COL4A2: variants seen among roughly 807,000 people sequenced by gnomAD.
COL4A2 encodes the protein collagen alpha-2(IV) chain.
In COL4A2, 99 loss-of-function variants were observed where a neutral mutation model predicts 200.2. That is an observed-to-expected ratio of 0.49 (90% CI 0.42 to 0.58). The LOEUF (loss-of-function observed/expected upper bound fraction) is 0.58. Ranked by LOEUF, COL4A2 falls within the 20% of genes least tolerant of loss-of-function variation. The pLI is 0.00. For missense variants in COL4A2, 1,950 were observed against 2,314.1 expected, an observed-to-expected ratio of 0.84 and a Z score of 3.23; for synonymous variants, 897 against 900.6, an observed-to-expected ratio of 1.00 and a Z score of 0.07.
intron 3 of COL4A2, among the ~76,000 whole-genome samples, chr13:110,343,215 T>C (rs1028938236): frequency 1.6e-4 from 24 of 152,234 alleles, no homozygotes; most frequent in Middle Eastern, 3.4e-3. Flanking sequence ...GGAGTGGGAT[T>C]GAAAATCCAC....
chr13:110,334,907 C>T (rs781660880), intron 3 of COL4A2, among the ~76,000 whole-genome samples: 15 of 152,178 alleles, frequency 9.9e-5, no homozygotes, highest in Non-Finnish European at 1.5e-4. Context: ...CTTCAGCCCT[C>T]GGTCTGATTC....
intron 21 of COL4A2, chr13:110,458,190 A>C (rs1174258502): frequency 2.2e-6 from 1 of 459,710 alleles, no homozygotes; most frequent in African/African-American, 2.0e-5. Context: ...GACCTGGAGG[A>C]AGTGGGGCCT....
chr13:110,316,030 T>C (rs1885120744), intron 3 of COL4A2, among the ~76,000 whole-genome samples: 1 of 152,200 alleles, frequency 6.6e-6, no homozygotes, highest in Non-Finnish European at 1.5e-5. Flanking sequence ...TATATGATGA[T>C]AAAGGAATCA....
At chr13:110,471,476 G>A (rs1288779036) in intron 28 of COL4A2, among the ~76,000 whole-genome samples, 1 of 152,182 alleles carries the variant, frequency 6.6e-6, no homozygotes, top group Non-Finnish European at 1.5e-5. Context: ...AGGATAAAAT[G>A]CCCAATTCAA....
intron 39 of COL4A2, 43 bp downstream of exon 39, chr13:110,493,325 CGAGG>C: frequency 6.3e-7 from 1 of 1,599,590 alleles, no homozygotes; most frequent in Non-Finnish European, 8.6e-7. Context: ...GCAGAGGTGT[CGAGG>C]GTGGGGACTC....
intron 4 of COL4A2, among the ~76,000 whole-genome samples, chr13:110,414,349 A>G (rs573971130): frequency 6.1e-4 from 93 of 152,248 alleles, no homozygotes; most frequent in Non-Finnish European, 9.8e-4. Flanking sequence ...AGAAAAATAC[A>G]TATATAAATT....
At position 110,438,001 on chromosome 13, in the gene COL4A2, G is replaced by T. The variant is rs759452442; in HGVS notation, c.826-1G>T. 9.7e-5 allele frequency: 156 copies of T among 1,612,072 alleles called. No homozygotes were observed. The highest frequency in any genetic ancestry group is 1.3e-4 in the Non-Finnish European group (152 of 1,178,486). On this transcript the variant is annotated splice_acceptor_variant, in intron 13 of 47. Coordinates refer to ENST00000360467, the MANE Select transcript of COL4A2 (RefSeq NM_001846.4). LOFTEE classifies it high-confidence loss of function. Reference sequence around the variant, plus strand: ...TTTCTTATTTTTCATATTCTTCACAGGGTGAAAAAGGCAGTGAGGGGGAAC... The same window carrying T: ...TTTCTTATTTTTCATATTCTTCACATGGTGAAAAAGGCAGTGAGGGGGAAC...
chr13:110,340,526 G>C (rs958791363), intron 3 of COL4A2, among the ~76,000 whole-genome samples: 1 of 152,182 alleles, frequency 6.6e-6, no homozygotes, highest in African/African-American at 2.4e-5. Flanking sequence ...AAGAGTGGAA[G>C]TGTAGAAAGA....
chr13:110,409,496 C>T (rs978008643), intron 4 of COL4A2, among the ~76,000 whole-genome samples: 1 of 152,236 alleles, frequency 6.6e-6, no homozygotes, highest in African/African-American at 2.4e-5. Context: ...GCGCAGGAAG[C>T]GTATCGGGAG....
chr13:110,444,291 G>A (rs1009169103), intron 16 of COL4A2, among the ~76,000 whole-genome samples: 6 of 152,170 alleles, frequency 3.9e-5, no homozygotes, highest in African/African-American at 1.4e-4. Context: ...TGATGCTCGT[G>A]GCCCAGAGTG....
chr13:110,456,428 G>T, intron 20 of COL4A2: 1 of 276,276 alleles, frequency 3.6e-6, no homozygotes, highest in Non-Finnish European at 7.1e-6. Flanking sequence ...TTTTGGGGGG[G>T]AACCAGAAGT....
intron 40 of COL4A2, among the ~76,000 whole-genome samples, chr13:110,500,092 A>G (rs1352557507): frequency 6.6e-6 from 1 of 152,226 alleles, no homozygotes; most frequent in Non-Finnish European, 1.5e-5. Context: ...ACTTGGAAGC[A>G]CGCATGAATG....
chr13:110,430,178 C>T, intron 8 of COL4A2: 1 of 671,768 alleles, frequency 1.5e-6, no homozygotes, highest in Non-Finnish European at 2.2e-6. Context: ...ATACTCCAAG[C>T]CAAATTAGTA....
At position 110,441,502 on chromosome 13, in the gene COL4A2, C is replaced by T. The variant is rs570255282; in HGVS notation, c.957+1669C>T. 1.6e-4 allele frequency among the ~76,000 whole-genome samples: 25 copies of T among 152,308 alleles called. No individual in the cohort carries two copies. The South Asian group carries it at 3.1e-3, about 19-fold the overall frequency. On this transcript the variant is annotated intron_variant, in intron 16 of 47. Transcript: ENST00000360467. ...CCAGGGAGCCAATGCCAGGCTTTGC[C>T]GTAATCACACCCAGCCTTTCATAAC... is the stretch of plus-strand genomic sequence containing the variant.
At chr13:110,317,711 A>G (rs921207806) in intron 3 of COL4A2, among the ~76,000 whole-genome samples, 2 of 152,240 alleles carry the variant, frequency 1.3e-5, no homozygotes, top group African/African-American at 4.8e-5. Flanking sequence ...GCCCTCTCCA[A>G]GTCTGGCTTG....
chr13:110,396,733 G>A (rs991543036), intron 4 of COL4A2, among the ~76,000 whole-genome samples: 2 of 135,480 alleles, frequency 1.5e-5, no homozygotes, highest in African/African-American at 5.5e-5. Context: ...TAAGCGGACC[G>A]TTTTTTCTTG....
rs190133778 is a variant in COL4A2, at chr13:110,461,437, G to A, written c.1597-677G>A. Reference sequence around the variant, plus strand: ...CATCTGCACCATTGGGCAGAGCCCAGGGACACTGAAGATGGGCCTAGGACC... The same window carrying A: ...CATCTGCACCATTGGGCAGAGCCCAAGGACACTGAAGATGGGCCTAGGACC... On this transcript the variant is annotated intron_variant, in intron 22 of 47. Transcript: ENST00000360467. Among the ~76,000 whole-genome samples the A allele has an allele frequency of 5.2e-3, 797 of 152,374 alleles. 3 individuals carry two copies. Among genetic ancestry groups the A allele is most frequent in the South Asian group, 0.02 (97 of 4,822 alleles).
intron 4 of COL4A2, among the ~76,000 whole-genome samples, chr13:110,360,793 C>G (rs1041396585): frequency 6.8e-6 from 1 of 147,140 alleles, no homozygotes; most frequent in Non-Finnish European, 1.5e-5. Flanking sequence ...ATACCCGCCC[C>G]CCACCCCGGG....
rs367815675 is a variant in COL4A2 at position 110,485,755 on chromosome 13, C to T, written c.3126C>T (p.Pro1042=). Residue 1042 remains proline (P), a synonymous_variant, in exon 34 of 48, where the codon CCC becomes CCT. Coordinates refer to ENST00000360467, the MANE Select transcript of COL4A2 (RefSeq NM_001846.4). ...IKGVKGDIGV[P]GIPGLPGFPG... ...GAGTCAAGGGAGACATCGGAGTCCC[C>T]GGCATCCCCGGTTTGCCAGGATTCC... The T allele has an allele frequency of 6.5e-5, 105 of 1,613,876 alleles. No homozygotes were observed. The African/African-American group carries it at 8.9e-4, about 14-fold the overall frequency.
Sources: gnomAD v4.1 joint callset for allele counts (sites outside exome capture counted in the v4.1 genomes callset) on GRCh38, gnomAD v4.1.1 for gene constraint, MANE v1.5 for transcripts, NCBI Gene and HGNC (gene_info 2026-07-23, HGNC 2026-07-21) for gene names.